ATOSB: variants seen among roughly 807,000 people sequenced by gnomAD.
ATOSB encodes the protein atos homolog protein B.
chr9:35,105,036 C>A, the ATOSB span: 7 of 590,162 alleles, frequency 1.2e-5, no homozygotes, highest in Admixed American at 1.1e-4. This position sits in a 1 kb window ranked among gnomAD's most constrained non-coding sequence, Gnocchi z 5.5. Flanking sequence ...CATGGAGTAC[C>A]CGAAGTAGGG....
chr9:35,105,640 G>T, the ATOSB span: 73 of 1,596,750 alleles, frequency 4.6e-5, 1 homozygote, highest in Non-Finnish European at 4.2e-5. This position sits in a 1 kb window ranked among gnomAD's most constrained non-coding sequence, Gnocchi z 5.5. Context: ...TCAGGGAGGG[G>T]ATACCTGGGC....
the ATOSB span, chr9:35,107,816 A>G: frequency 1.9e-6 from 3 of 1,592,176 alleles, no homozygotes; most frequent in Non-Finnish European, 1.7e-6. Context: ...TGTGCAAAGT[A>G]TTGCAGGAAG....
the ATOSB span, among the ~76,000 whole-genome samples, chr9:35,114,008 A>G: frequency 6.6e-6 from 1 of 152,160 alleles, no homozygotes; most frequent in East Asian, 1.9e-4. Context: ...AAACCTGTAA[A>G]ATGAGGTGTT....
At chr9:35,107,022 C>T in the ATOSB span, 15 of 812,306 alleles carry the variant, frequency 1.8e-5, no homozygotes, top group Admixed American at 7.4e-5. Context: ...CAAATATCCA[C>T]TTAAGAGTAC....
At chr9:35,104,427 CT>C in the ATOSB span, 2 of 173,384 alleles carry the variant, frequency 1.2e-5, no homozygotes, top group African/African-American at 2.4e-5. Context: ...ACTCTGCCCC[CT>C]GGACACCTTC....
At chr9:35,105,606 T>C in the ATOSB span, 1 of 1,454,458 alleles carries the variant, frequency 6.9e-7, no homozygotes, top group East Asian at 2.3e-5. The surrounding 1 kb of genome is among the most constrained non-coding windows in gnomAD (Gnocchi z 5.5). Flanking sequence ...ATCCGGACAG[T>C]ATCGAAGCAA....
At chr9:35,111,241 A>G in the ATOSB span, 5 of 152,054 alleles carry the variant, frequency 3.3e-5, no homozygotes, top group Non-Finnish European at 7.3e-5. Context: ...AGCTTCGGAG[A>G]TTTGCTCTTT....
chr9:35,105,270 T>C, the ATOSB span: 1 of 1,614,064 alleles, frequency 6.2e-7, no homozygotes, highest in Admixed American at 1.7e-5. The surrounding 1 kb of genome is among the most constrained non-coding windows in gnomAD (Gnocchi z 5.5). Context: ...GGTCACAGCC[T>C]GCAGTTCGTA....
At chr9:35,110,283 T>A in the ATOSB span, 1 of 152,310 alleles carries the variant, frequency 6.6e-6, no homozygotes, top group African/African-American at 2.4e-5. Context: ...TGCACTAATT[T>A]CTACCCTTCT....
the ATOSB span, among the ~76,000 whole-genome samples, chr9:35,114,068 A>G: frequency 6.6e-6 from 1 of 152,146 alleles, no homozygotes; most frequent in South Asian, 2.1e-4. Flanking sequence ...AATTCTAATG[A>G]CTGTTGTTCA....
chr9:35,114,643 C>T, the ATOSB span, among the ~76,000 whole-genome samples: 3 of 152,298 alleles, frequency 2.0e-5, no homozygotes, highest in South Asian at 6.2e-4. Context: ...GAGCCACTCC[C>T]TCTTCCTCCC....
At chr9:35,113,170 G>GA in the ATOSB span, among the ~76,000 whole-genome samples, 9 of 152,224 alleles carry the variant, frequency 5.9e-5, no homozygotes, top group Non-Finnish European at 7.4e-5. Flanking sequence ...AACACTGTAG[G>GA]AAAAAAATAA....
the ATOSB span, chr9:35,105,573 A>T: frequency 1.9e-4 from 238 of 1,236,146 alleles, no homozygotes; most frequent in Non-Finnish European, 1.9e-4. The surrounding 1 kb of genome is among the most constrained non-coding windows in gnomAD (Gnocchi z 5.5). Context: ...ATACATAAAA[A>T]TTTAAAAATA....
chr9:35,106,206 C>T, the ATOSB span: 1 of 1,610,854 alleles, frequency 6.2e-7, no homozygotes, highest in Non-Finnish European at 8.5e-7. The surrounding 1 kb of genome is among the most constrained non-coding windows in gnomAD (Gnocchi z 4.6). Flanking sequence ...CCCCCAAATC[C>T]TCATCCTCTT....
the ATOSB span, chr9:35,108,442 G>C: frequency 7.2e-7 from 1 of 1,390,574 alleles, no homozygotes; most frequent in Non-Finnish European, 9.3e-7. Context: ...GCCTAAAGGG[G>C]TGACTTTGAT....
At chr9:35,112,966 C>G in the ATOSB span, among the ~76,000 whole-genome samples, 1 of 152,128 alleles carries the variant, frequency 6.6e-6, no homozygotes, top group Non-Finnish European at 1.5e-5. Context: ...TTCTCCTTAC[C>G]TCACCCTAGA....
At chr9:35,108,313 C>T in the ATOSB span, 2 of 1,504,542 alleles carry the variant, frequency 1.3e-6, no homozygotes, top group African/African-American at 1.4e-5. Context: ...CCAACACGGC[C>T]TTTATGCTGG....
the ATOSB span, chr9:35,104,206 T>C: frequency 9.2e-5 from 14 of 152,814 alleles, no homozygotes; most frequent in African/African-American, 3.1e-4. Flanking sequence ...TTCCTGTTTT[T>C]GATTTGCTTT....
chr9:35,112,884 C>T, the ATOSB span, among the ~76,000 whole-genome samples: 1 of 152,156 alleles, frequency 6.6e-6, no homozygotes, highest in Non-Finnish European at 1.5e-5. Flanking sequence ...AAAGAGGCTC[C>T]TTCCTCTTCC....
Sources: allele counts gnomAD v4.1 joint callset (sites outside exome capture counted in the v4.1 genomes callset), GRCh38; gene constraint gnomAD v4.1.1; non-coding constraint Gnocchi (gnomAD v3.1); transcripts MANE v1.5; gene names NCBI Gene and HGNC (gene_info 2026-07-23, HGNC 2026-07-21).